The following MACROD2 variants were observed in gnomAD, a reference collection of about 807,000 sequenced individuals.
MACROD2 encodes the protein mono-ADP ribosylhydrolase 2, also known as ADP-ribose glycohydrolase MACROD2.
A neutral mutation model predicts 70.4 loss-of-function variants in MACROD2; 36 were observed. The observed-to-expected ratio is 0.51, with a 90% CI of 0.39 to 0.68. The LOEUF (loss-of-function observed/expected upper bound fraction) is 0.68, where lower values mean the gene tolerates loss of function less well. Among genes scored for constraint, MACROD2 ranks in the 30% least tolerant of loss-of-function variants. MACROD2 has a pLI of 0.00. For missense variants in MACROD2, 496 were observed against 538.4 expected (o/e 0.92, Z 0.78); for synonymous variants, 172 against 178.8 (o/e 0.96, Z 0.30).
chr20:15,279,047 T>C (rs2077419335), intron 6 of MACROD2, among the ~76,000 whole-genome samples: 1 of 152,226 alleles, frequency 6.6e-6, no homozygotes, highest in Admixed American at 6.5e-5. Context: ...GTTCTGTTTC[T>C]TCAATGATAA....
intron 5 of MACROD2, chr20:15,022,867 A>G (rs2075199439): frequency 6.6e-6 from 1 of 152,204 alleles, no homozygotes; most frequent in African/African-American, 2.4e-5. Context: ...TGCTTTGGCA[A>G]CACATATACT....
chr20:15,170,297 C>T (rs1349811628), intron 5 of MACROD2, among the ~76,000 whole-genome samples: 1 of 151,978 alleles, frequency 6.6e-6, no homozygotes, highest in Non-Finnish European at 1.5e-5. Flanking sequence ...TACTAGTGAC[C>T]TAAGAAGTCA....
chr20:14,540,352 A>G (rs1017577716), intron 4 of MACROD2, among the ~76,000 whole-genome samples: 5 of 152,154 alleles, frequency 3.3e-5, no homozygotes, highest in Non-Finnish European at 7.3e-5. Flanking sequence ...TAGCAGCTTC[A>G]ATGTGGTGAC....
chr20:14,561,767 A>G (rs1979447541), intron 4 of MACROD2, among the ~76,000 whole-genome samples: 1 of 151,910 alleles, frequency 6.6e-6, no homozygotes. Flanking sequence ...GTCACGTAAT[A>G]GGAAAACTAT....
chr20:14,520,070 G>A (rs2085148367), intron 4 of MACROD2, among the ~76,000 whole-genome samples: 1 of 152,264 alleles, frequency 6.6e-6, no homozygotes, highest in Non-Finnish European at 1.5e-5. Flanking sequence ...CTGGAAAGTG[G>A]AGGGAGGGAG....
At chr20:14,996,415 T>C (rs1287336344) in intron 5 of MACROD2, among the ~76,000 whole-genome samples, 1 of 152,128 alleles carries the variant, frequency 6.6e-6, no homozygotes, top group African/African-American at 2.4e-5. Flanking sequence ...TGAAGAGTCT[T>C]CCAGAGAGGG....
At chr20:14,807,940 T>A (rs1007177896) in intron 5 of MACROD2, among the ~76,000 whole-genome samples, 41 of 152,200 alleles carry the variant, frequency 2.7e-4, no homozygotes, top group African/African-American at 9.4e-4. Flanking sequence ...AATATGGAAC[T>A]ATCTGAAAAG....
intron 3 of MACROD2, chr20:14,127,319 AG>A: frequency 3.3e-6 from 1 of 301,922 alleles, no homozygotes. Flanking sequence ...AAACTCCATA[AG>A]AAAAGTTTGG....
At chr20:14,362,409 T>C (rs142682496) in intron 3 of MACROD2, among the ~76,000 whole-genome samples, 1 of 152,308 alleles carries the variant, frequency 6.6e-6, no homozygotes, top group Non-Finnish European at 1.5e-5. Flanking sequence ...TCAGGCCCTG[T>C]GGTAGCTAGC....
chr20:16,006,073 G>T (rs952968299), intron 15 of MACROD2, among the ~76,000 whole-genome samples: 1 of 152,152 alleles, frequency 6.6e-6, no homozygotes, highest in African/African-American at 2.4e-5. Flanking sequence ...ATCCTGGAAG[G>T]CTAAGGGTAA....
intron 5 of MACROD2, among the ~76,000 whole-genome samples, chr20:15,054,481 T>C (rs2075467148): frequency 1.3e-5 from 2 of 152,146 alleles, no homozygotes; most frequent in African/African-American, 2.4e-5. Context: ...ATTATTAGTG[T>C]TTTTTAGTAA....
At chr20:15,555,537 A>G (rs1250372931) in intron 8 of MACROD2, among the ~76,000 whole-genome samples, 1 of 152,158 alleles carries the variant, frequency 6.6e-6, no homozygotes, top group Non-Finnish European at 1.5e-5. Flanking sequence ...AGTGCAAAAC[A>G]TATCACTGAA....
intron 5 of MACROD2, among the ~76,000 whole-genome samples, chr20:14,776,800 T>C (rs2072240319): frequency 6.6e-6 from 1 of 152,104 alleles, no homozygotes; most frequent in Admixed American, 6.6e-5. Context: ...CAGTACCCAG[T>C]TGAGAAACAG....
At chr20:14,117,786 GT>G (rs1207971166) in intron 3 of MACROD2, among the ~76,000 whole-genome samples, 1 of 152,028 alleles carries the variant, frequency 6.6e-6, no homozygotes. Flanking sequence ...TTGAAATATA[GT>G]TTTTCACCAC....
chr20:14,394,608 G>C (rs181199828), intron 3 of MACROD2, among the ~76,000 whole-genome samples: 203 of 152,074 alleles, frequency 1.3e-3, no homozygotes, highest in African/African-American at 4.5e-3. Flanking sequence ...TATCACAATG[G>C]CTAGAGCTCC....
intron 5 of MACROD2, among the ~76,000 whole-genome samples, chr20:14,707,560 T>C (rs2071284338): frequency 1.3e-5 from 2 of 152,126 alleles, no homozygotes; most frequent in East Asian, 3.9e-4. Flanking sequence ...TGCTGTAGAG[T>C]GTGTTTCCTC....
At chr20:15,166,451 G>C (rs2076384586) in intron 5 of MACROD2, among the ~76,000 whole-genome samples, 2 of 152,070 alleles carry the variant, frequency 1.3e-5, no homozygotes, top group African/African-American at 4.8e-5. Flanking sequence ...AAGCAGCCTG[G>C]CATCTTAATC....
intron 5 of MACROD2, among the ~76,000 whole-genome samples, chr20:15,224,089 C>G (rs949039887): frequency 1.3e-5 from 2 of 152,148 alleles, no homozygotes; most frequent in African/African-American, 4.8e-5. Flanking sequence ...CCTTTGGCTC[C>G]CACAGTCCTC....
chr20:14,309,938 G>A (rs550516029), intron 3 of MACROD2, among the ~76,000 whole-genome samples: 7 of 152,124 alleles, frequency 4.6e-5, no homozygotes, highest in African/African-American at 1.2e-4. Context: ...ATTGTTTTGC[G>A]TGTGTTTCTA....
Sources: allele counts gnomAD v4.1 joint callset (sites outside exome capture counted in the v4.1 genomes callset), GRCh38; gene constraint gnomAD v4.1.1; transcripts MANE v1.5; gene names NCBI Gene and HGNC (gene_info 2026-07-23, HGNC 2026-07-21).